Variants in BSCL2 observed in about 807,000 individuals in gnomAD.
BSCL2 encodes the protein seipin.
A neutral mutation model predicts 57.4 loss-of-function variants in BSCL2; 41 were observed. The ratio of observed to expected loss-of-function variants is 0.71; its 90% CI spans 0.56 to 0.93. BSCL2 has a LOEUF of 0.93. Among genes scored for constraint, BSCL2 ranks in the 40% least tolerant of loss-of-function variants. BSCL2 has a pLI of 0.00. For synonymous variants in BSCL2, 237 were observed against 227.3 expected (o/e 1.04, Z -0.38); for missense variants, 539 against 586.7 (o/e 0.92, Z 0.84).
Position 62,705,364 on chromosome 11 carries a change from C to A in BSCL2, c.341G>T (p.Gly114Val). The A allele has an allele frequency of 1.9e-6, 3 of 1,614,052 alleles. No homozygotes were observed. Among genetic ancestry groups the A allele is most frequent in the Non-Finnish European group, 2.5e-6 (3 of 1,179,984 alleles). The change falls in exon 2 of 11, where the codon GGC becomes GTC. Residue 114 changes from glycine to valine, a missense_variant. This residue lies in a region of BSCL2 where 218 missense variants were observed against 224.8 expected (regional missense o/e 0.97). Transcript: ENST00000360796. ...LLLWVSVFLY[G>V]SFYYSYMPTV... ...CGGCATATAGGAATAGTAGAAGGAG[C>A]CATAGAGGAAGACAGACACCCAGAG... is the stretch of plus-strand genomic sequence containing the variant.
At chr11:62,705,004 T>C (rs1375071961) in intron 2 of BSCL2, among the ~76,000 whole-genome samples, 3 of 152,088 alleles carry the variant, frequency 2.0e-5, no homozygotes, top group Admixed American at 6.6e-5. Context: ...AAATTCTACA[T>C]TGGCCCTGAG....
chr11:62,692,578 C>A, intron 5 of BSCL2, 85 bp downstream of exon 5: 1 of 1,612,314 alleles, frequency 6.2e-7, no homozygotes, highest in East Asian at 2.2e-5. Context: ...TGTGATGTCT[C>A]CTGAGCCTGG....
At chr11:62,692,572 A>G in intron 5 of BSCL2, 91 bp downstream of exon 5, 2 of 1,612,038 alleles carry the variant, frequency 1.2e-6, no homozygotes, top group Admixed American at 1.7e-5. Flanking sequence ...CTCAGTTGTG[A>G]TGTCTCCTGA....
intron 1 of BSCL2, 51 bp from the exon 2 acceptor site, chr11:62,705,668 G>A: frequency 1.4e-6 from 2 of 1,445,742 alleles, no homozygotes; most frequent in South Asian, 2.9e-5. Context: ...CAGGGAGGTG[G>A]GGACAAAACA....
chr11:62,707,599 G>A (rs1172095567), upstream of BSCL2: 3 of 547,922 alleles, frequency 5.5e-6, no homozygotes, highest in Non-Finnish European at 9.8e-6. Context: ...GCGACAGTGG[G>A]GGTGTGCGCA....
At chr11:62,704,745 CA>C (rs1329861032) in intron 2 of BSCL2, among the ~76,000 whole-genome samples, 1 of 151,996 alleles carries the variant, frequency 6.6e-6, no homozygotes. Flanking sequence ...GACTCCACCT[CA>C]AAAAAGAGAG....
chr11:62,704,745 CAA>C (rs1329861032), intron 2 of BSCL2, among the ~76,000 whole-genome samples: 4 of 152,114 alleles, frequency 2.6e-5, no homozygotes, highest in African/African-American at 9.6e-5. Context: ...GACTCCACCT[CAA>C]AAAAGAGAGA....
Position 62,696,281 on chromosome 11 carries a change from TGTGTG to T in BSCL2, c.487-1575_487-1571del, listed in dbSNP as rs745886462. Among the ~76,000 whole-genome samples, 1,079 of 145,230 alleles carry T rather than the reference TGTGTG, an allele frequency of 7.4e-3. 4 individuals carry two copies. Among genetic ancestry groups the T allele is most frequent in the Middle Eastern group, 0.014 (4 of 278 alleles). On this transcript the variant is annotated intron_variant, in intron 3 of 10. Transcript: ENST00000360796. ...AGCCAGTTGCTTCATAAACTTTTTG[TGTGTG>T]TGTGTGTGTGTGTGTGTGTGTGTGT...
chr11:62,706,576 C>G, intron 1 of BSCL2: 3 of 466,890 alleles, frequency 6.4e-6, no homozygotes, highest in South Asian at 4.7e-5. Context: ...CCGCTCGGCT[C>G]TCCCTTGAGA....
At position 62,695,729 on chromosome 11, in the gene BSCL2, A is replaced by G. The variant is rs1285027685; in HGVS notation, c.487-1018T>C. Among the ~76,000 whole-genome samples the G allele has an allele frequency of 1.3e-5, 2 of 151,798 alleles. 1 individual carries two copies. Among genetic ancestry groups the G allele is most frequent in the African/African-American group, 4.8e-5 (2 of 41,304 alleles). ...TCTGTCTCAAAAAAAAAAAAAAAAA[A>G]AAAAAAAATTTGGAAAATACTTCCC... On this transcript the variant is annotated intron_variant, in intron 3 of 10. Coordinates refer to ENST00000360796, the MANE Select transcript of BSCL2 (RefSeq NM_001122955.4).
rs538682035 is a variant in BSCL2, at chr11:62,690,349, G to C, written c.*18C>G. 6.2e-7 allele frequency: 1 copy of C among 1,613,784 alleles called. No individual in the cohort carries two copies. The highest frequency in any genetic ancestry group is 1.1e-5 in the South Asian group (1 of 91,066). On this transcript the variant is annotated 3_prime_UTR_variant, in exon 11 of 11. Coordinates refer to ENST00000360796, the MANE Select transcript of BSCL2 (RefSeq NM_001122955.4). ...CAGGTGGGAAAGTGCTGGAATGTGA[G>C]GAGTCTGCCCCTTTTCTTCAGGAAC...
intron 4 of BSCL2, among the ~76,000 whole-genome samples, chr11:62,693,758 T>C (rs1465309158): frequency 6.6e-6 from 1 of 152,108 alleles, no homozygotes; most frequent in Non-Finnish European, 1.5e-5. Context: ...AAGCTGGGCA[T>C]GCTCCTGAGA....
rs1424325463 is a variant in BSCL2 at position 62,690,843 on chromosome 11, G to A, written c.1097C>T (p.Thr366Ile). The A allele has an allele frequency of 3.7e-6, 6 of 1,613,572 alleles. No homozygotes were observed. Among genetic ancestry groups the A allele is most frequent in the Non-Finnish European group, 4.2e-6 (5 of 1,180,040 alleles). ...ATCCTCTGTAACATCTGATTGCGGA[G>A]TTGACTCCTCCTGGCCTTCAGGCCC... ...QPGPEGQEESTPQSDVTEDGE... is the reference protein window; with the variant it reads ...QPGPEGQEESIPQSDVTEDGE... Residue 366 changes from threonine to isoleucine, a missense_variant, in exon 9 of 11, where the codon ACT (threonine) becomes ATT (isoleucine). Coordinates refer to ENST00000360796, the MANE Select transcript of BSCL2 (RefSeq NM_001122955.4).
chr11:62,698,238 G>A (rs1007908291), intron 3 of BSCL2, among the ~76,000 whole-genome samples: 4 of 145,624 alleles, frequency 2.7e-5, no homozygotes, highest in Non-Finnish European at 3.0e-5. Flanking sequence ...TTACTCTGTC[G>A]CCCAGGCTGG....
intron 3 of BSCL2, among the ~76,000 whole-genome samples, chr11:62,696,278 T>TTTTGTGTGTGTGTGTGTGTG (rs1554984017): frequency 2.2e-5 from 3 of 136,228 alleles, no homozygotes; most frequent in Non-Finnish European, 4.7e-5. Context: ...CATAAACTTT[T>TTTTGTGTGTGTGTGTGTGTG]TGTGTGTGTG....
At chr11:62,703,241 CA>C (rs1368011971) in intron 2 of BSCL2, among the ~76,000 whole-genome samples, 1 of 151,798 alleles carries the variant, frequency 6.6e-6, no homozygotes, top group Non-Finnish European at 1.5e-5. Flanking sequence ...AAAACGCCTC[CA>C]AAAGGATCTA....
rs2083513279 is a variant in BSCL2 at position 62,705,497 on chromosome 11, G to A, written c.208C>T (p.Pro70Ser). ...PALPAMVNDP[P>S]VPALLWAQEV... Reference sequence around the variant, plus strand: ...TGGGCCCACAGTAAGGCAGGTACTGGAGGGTCGTTGACCATGGCCGGGAGA... The same window carrying A: ...TGGGCCCACAGTAAGGCAGGTACTGAAGGGTCGTTGACCATGGCCGGGAGA... The change falls in exon 2 of 11, where the codon CCA (proline) becomes TCA (serine). Residue 70 changes from proline to serine, a missense_variant. Pro to Ser is a moderately conservative substitution (Grantham distance 74). This residue lies in a region of BSCL2 where 218 missense variants were observed against 224.8 expected (regional missense o/e 0.97). Coordinates refer to ENST00000360796, the MANE Select transcript of BSCL2 (RefSeq NM_001122955.4). 3 of 1,614,196 alleles carry A rather than the reference G, an allele frequency of 1.9e-6. No homozygotes were observed. Among genetic ancestry groups the A allele is most frequent in the East Asian group, 2.2e-5 (1 of 44,886 alleles).
At chr11:62,703,908 G>A (rs1249133137) in intron 2 of BSCL2, among the ~76,000 whole-genome samples, 1 of 146,516 alleles carries the variant, frequency 6.8e-6, no homozygotes, top group East Asian at 2.2e-4. Context: ...CACGAGGTCA[G>A]GAGTTCGAGA....
intron 3 of BSCL2, among the ~76,000 whole-genome samples, chr11:62,699,380 T>G (rs554780080): frequency 6.6e-6 from 1 of 151,466 alleles, no homozygotes; most frequent in Non-Finnish European, 1.5e-5. Flanking sequence ...GTATTTTTAG[T>G]AGAGACGGGG....
Sources: allele counts gnomAD v4.1 joint callset (sites outside exome capture counted in the v4.1 genomes callset), GRCh38; gene constraint gnomAD v4.1.1; regional missense constraint gnomAD v4.1.1; transcripts MANE v1.5; gene names NCBI Gene and HGNC (gene_info 2026-07-23, HGNC 2026-07-21).